LHFPL6: variants seen among roughly 807,000 people sequenced by gnomAD.
LHFPL6 encodes the protein LHFPL tetraspan subfamily member 6.
A neutral mutation model predicts 20.6 loss-of-function variants in LHFPL6; 9 were observed. The ratio of observed to expected loss-of-function variants is 0.44; its 90% CI spans 0.26 to 0.76. The LOEUF is 0.76. Ranked by LOEUF, LHFPL6 falls within the 30% of genes least tolerant of loss-of-function variation. LHFPL6 has a pLI of 0.20. For missense variants in LHFPL6, 218 were observed against 253.5 expected (o/e 0.86, Z 0.95); for synonymous variants, 105 against 98.7 (o/e 1.06, Z -0.38).
intron 2 of LHFPL6, among the ~76,000 whole-genome samples, chr13:39,426,751 G>A (rs981486242): frequency 6.6e-6 from 1 of 151,986 alleles, no homozygotes; most frequent in African/African-American, 2.4e-5. Context: ...TGAAGATAAT[G>A]TTTTAATTTT....
At chr13:39,521,320 C>T (rs1445653399) in intron 2 of LHFPL6, among the ~76,000 whole-genome samples, 3 of 152,162 alleles carry the variant, frequency 2.0e-5, no homozygotes, top group East Asian at 3.9e-4. Context: ...TGAATTGAAT[C>T]TTAGCAAGCA....
At chr13:39,602,668 G>A (rs1872997015) in intron 1 of LHFPL6, among the ~76,000 whole-genome samples, 1 of 152,208 alleles carries the variant, frequency 6.6e-6, no homozygotes, top group Non-Finnish European at 1.5e-5. Context: ...TTTCCAGCCG[G>A]CTCTGGACGA....
At chr13:39,413,908 A>G (rs964184067) in intron 2 of LHFPL6, among the ~76,000 whole-genome samples, 6 of 152,224 alleles carry the variant, frequency 3.9e-5, no homozygotes, top group Admixed American at 3.9e-4. Context: ...AAATAAATGG[A>G]ATCATAAATT....
intron 2 of LHFPL6, among the ~76,000 whole-genome samples, chr13:39,569,157 GGA>G: frequency 2.3e-5 from 1 of 43,754 alleles, no homozygotes; most frequent in African/African-American, 9.5e-5. Flanking sequence ...ATGGACGGAC[GGA>G]TGGATGGATG....
At chr13:39,481,815 G>A (rs1458537767) in intron 2 of LHFPL6, among the ~76,000 whole-genome samples, 2 of 152,178 alleles carry the variant, frequency 1.3e-5, no homozygotes, top group East Asian at 1.9e-4. Context: ...CAACAGGAGT[G>A]TGATATCATC....
At position 39,343,999 on chromosome 13, in the gene LHFPL6, G is replaced by C; in HGVS notation, c.540C>G (p.Ala180=). 2.5e-6 allele frequency: 4 copies of C among 1,613,802 alleles called. No homozygotes were observed. Among genetic ancestry groups the C allele is most frequent in the Non-Finnish European group, 3.4e-6 (4 of 1,179,908 alleles). The change falls in exon 4 of 4, where the codon GCC becomes GCG. Residue 180 remains alanine, a synonymous_variant. Coordinates refer to ENST00000379589, the MANE Select transcript of LHFPL6 (RefSeq NM_005780.3). ...AAGCCAGCCACGTGCACAGCAGCAT[G>C]GCGGCAGTGGCACCTGCTCCCGTGC... ...YYCTGAGATA[A]MLLCTWLACF... is the part of the protein sequence containing the mutation.
chr13:39,347,647 C>T (rs1020119859), intron 3 of LHFPL6, among the ~76,000 whole-genome samples: 9 of 152,154 alleles, frequency 5.9e-5, no homozygotes, highest in Non-Finnish European at 1.0e-4. Context: ...CACTGGTAAC[C>T]GAGTCCCCCT....
intron 2 of LHFPL6, among the ~76,000 whole-genome samples, chr13:39,577,639 T>C (rs1162453317): frequency 6.9e-6 from 1 of 145,912 alleles, no homozygotes; most frequent in Non-Finnish European, 1.5e-5. Context: ...AACAACTCAA[T>C]TTTTTTTTTT....
At chr13:39,570,294 T>C (rs1051266120) in intron 2 of LHFPL6, among the ~76,000 whole-genome samples, 7 of 152,104 alleles carry the variant, frequency 4.6e-5, no homozygotes, top group Non-Finnish European at 1.0e-4. Flanking sequence ...AAGTGAGCCA[T>C]CACTTTAAAT....
chr13:39,477,940 T>C (rs1310365910), intron 2 of LHFPL6, among the ~76,000 whole-genome samples: 1 of 152,276 alleles, frequency 6.6e-6, no homozygotes, highest in East Asian at 1.9e-4. Context: ...GTTAAACTTA[T>C]CCAAAAAGAA....
intron 2 of LHFPL6, among the ~76,000 whole-genome samples, chr13:39,552,356 A>ATTT (rs1380845650): frequency 6.6e-6 from 1 of 151,970 alleles, no homozygotes; most frequent in Non-Finnish European, 1.5e-5. Context: ...TAAACTGACT[A>ATTT]TTTTTCAAAA....
At chr13:39,563,551 CA>C (rs1345251498) in intron 2 of LHFPL6, among the ~76,000 whole-genome samples, 1 of 152,126 alleles carries the variant, frequency 6.6e-6, no homozygotes, top group Non-Finnish European at 1.5e-5. Flanking sequence ...CACAAGTCAG[CA>C]GTATAGAGGC....
chr13:39,362,075 C>G (rs1376075199), intron 3 of LHFPL6, among the ~76,000 whole-genome samples: 1 of 152,186 alleles, frequency 6.6e-6, no homozygotes, highest in Non-Finnish European at 1.5e-5. Context: ...CAAATATAAA[C>G]AAGAATTTGA....
chr13:39,466,536 G>C (rs1253148518), intron 2 of LHFPL6, among the ~76,000 whole-genome samples: 1 of 152,202 alleles, frequency 6.6e-6, no homozygotes, highest in Non-Finnish European at 1.5e-5. Flanking sequence ...AAAGGTCACA[G>C]ACTAGAAAGA....
At chr13:39,572,682 C>A (rs1478997908) in intron 2 of LHFPL6, among the ~76,000 whole-genome samples, 1 of 152,172 alleles carries the variant, frequency 6.6e-6, no homozygotes, top group Admixed American at 6.5e-5. Flanking sequence ...CCTGCCTCTC[C>A]TGTCCTCTAT....
Position 39,367,123 on chromosome 13 carries a change from C to T in LHFPL6, c.484+11305G>A, listed in dbSNP as rs139556939. ...TATTCAATTCACTAGGAAGGCTGAA[C>T]ACTCATTTTCACAGATGTGATTTTG... On this transcript the variant is annotated intron_variant, in intron 3 of 3. Transcript: ENST00000379589. Among the ~76,000 whole-genome samples the T allele has an allele frequency of 4.1e-3, 622 of 152,296 alleles. 4 individuals are homozygous for T. Among genetic ancestry groups the T allele is most frequent in the Non-Finnish European group, 6.6e-3 (452 of 68,028 alleles).
chr13:39,404,135 C>T (rs1013530597), intron 2 of LHFPL6, among the ~76,000 whole-genome samples: 4 of 152,244 alleles, frequency 2.6e-5, no homozygotes, highest in East Asian at 3.9e-4. Flanking sequence ...TAAATAAGCA[C>T]GTGATGGAAT....
intron 3 of LHFPL6, among the ~76,000 whole-genome samples, chr13:39,361,624 T>C (rs1869871962): frequency 6.6e-6 from 1 of 152,196 alleles, no homozygotes; most frequent in African/African-American, 2.4e-5. Context: ...CCCTTGAGCC[T>C]CTTAAGATTT....
chr13:39,567,046 A>ATTTTTG (rs10694747), intron 2 of LHFPL6, among the ~76,000 whole-genome samples: 7,556 of 124,756 alleles, frequency 0.061, 249 homozygotes, highest in East Asian at 0.14. Context: ...TTTTTTTTTC[A>ATTTTTG]TTTTTGTTTT....
Sources: allele counts gnomAD v4.1 joint callset (sites outside exome capture counted in the v4.1 genomes callset), GRCh38; gene constraint gnomAD v4.1.1; transcripts MANE v1.5; gene names NCBI Gene and HGNC (gene_info 2026-07-23, HGNC 2026-07-21).